Variants in PCDH15 observed in about 807,000 individuals in gnomAD.
PCDH15 encodes the protein protocadherin related 15.
In PCDH15, 129 loss-of-function variants were observed where a neutral mutation model predicts 178.5. That is an observed-to-expected ratio of 0.72 (90% CI 0.63 to 0.84). The LOEUF (loss-of-function observed/expected upper bound fraction) is 0.84, where lower values mean the gene tolerates loss of function less well. Among genes scored for constraint, PCDH15 ranks in the 40% least tolerant of loss-of-function variants. The probability of loss-of-function intolerance (pLI) is 0.00; values close to 1 mark genes in which losing one functional copy is unlikely to be tolerated. For synonymous variants in PCDH15, 800 were observed against 732.0 expected, an observed-to-expected ratio of 1.09 and a Z score of -1.50; for missense variants, 2,230 against 2,099.9, an observed-to-expected ratio of 1.06 and a Z score of -1.21.
In PCDH15 at chr10:53,823,265, GGAA is replaced by G. The variant is rs2076430011; in HGVS notation, c.4368-3038_4368-3036del. 1 of 1,613,644 alleles carries G rather than the reference GGAA, an allele frequency of 6.2e-7. No homozygotes were observed. Among genetic ancestry groups the G allele is most frequent in the African/African-American group, 1.3e-5 (1 of 74,868 alleles). ...CTGACTTGTGAGCCTCAATAGTATT[GGAA>G]GAAAAGGGCATCACAACTTGTTGAT... On this transcript the variant is annotated intron_variant, in intron 32 of 37. Coordinates refer to ENST00000644397, the MANE Select transcript of PCDH15 (RefSeq NM_001384140.1).
chr10:55,479,430 A>G (rs1388706871), intron 2 of PCDH15, among the ~76,000 whole-genome samples: 5 of 151,778 alleles, frequency 3.3e-5, no homozygotes, highest in African/African-American at 9.7e-5. Flanking sequence ...AGCATTTGAT[A>G]AAAATCAACA....
At chr10:55,121,786 A>C (rs543421637) in intron 2 of PCDH15, among the ~76,000 whole-genome samples, 2 of 152,164 alleles carry the variant, frequency 1.3e-5, no homozygotes, top group East Asian at 1.9e-4. Flanking sequence ...TAAGGACACA[A>C]CTTTCATCCC....
intron 1 of PCDH15, among the ~76,000 whole-genome samples, chr10:55,197,448 T>C (rs1261826221): frequency 1.3e-5 from 2 of 152,090 alleles, no homozygotes; most frequent in Non-Finnish European, 2.9e-5. Flanking sequence ...AATTCCACTA[T>C]AAGTTTCAGA....
At chr10:54,101,474 C>A (rs2094811306) in intron 15 of PCDH15, among the ~76,000 whole-genome samples, 1 of 152,140 alleles carries the variant, frequency 6.6e-6, no homozygotes, top group South Asian at 2.1e-4. Flanking sequence ...TAATACTTAG[C>A]ATGTATTATT....
At chr10:54,859,125 A>G (rs893445844) in intron 3 of PCDH15, among the ~76,000 whole-genome samples, 6 of 152,024 alleles carry the variant, frequency 3.9e-5, no homozygotes, top group East Asian at 1.9e-4. Flanking sequence ...ATATCACCAC[A>G]TTTGCTTTTT....
chr10:55,374,738 A>C (rs1447598616), intron 2 of PCDH15, among the ~76,000 whole-genome samples: 1 of 152,086 alleles, frequency 6.6e-6, no homozygotes, highest in African/African-American at 2.4e-5. Context: ...CTTTTTATTT[A>C]TCAACTTATT....
intron 2 of PCDH15, among the ~76,000 whole-genome samples, chr10:54,643,772 C>CTT (rs71010400): frequency 1.6e-4 from 19 of 116,844 alleles, no homozygotes; most frequent in East Asian, 1.6e-3. Flanking sequence ...CAGTTATTTT[C>CTT]TTTTTTTTTT....
chr10:54,452,308 A>G (rs898550842), intron 3 of PCDH15: 2 of 152,014 alleles, frequency 1.3e-5, no homozygotes, highest in Admixed American at 6.6e-5. Flanking sequence ...GGTTATATAT[A>G]TATAATTTCA....
intron 2 of PCDH15, among the ~76,000 whole-genome samples, chr10:54,564,401 G>C (rs538226819): frequency 2.0e-5 from 3 of 152,132 alleles, no homozygotes; most frequent in Non-Finnish European, 4.4e-5. Context: ...TATTAAAATT[G>C]TACCATGTTA....
chr10:54,127,666 C>A (rs950901356), intron 15 of PCDH15, among the ~76,000 whole-genome samples: 1 of 152,086 alleles, frequency 6.6e-6, no homozygotes, highest in Non-Finnish European at 1.5e-5. Flanking sequence ...CAAATCTTTT[C>A]CTTTTTCTTG....
chr10:55,027,040 T>TAAGAGAAAGA (rs1434099276), intron 2 of PCDH15, among the ~76,000 whole-genome samples: 1 of 151,848 alleles, frequency 6.6e-6, no homozygotes, highest in African/African-American at 2.4e-5. Flanking sequence ...AAAGATGGGA[T>TAAGAGAAAGA]AGGAGTATGT....
At chr10:54,280,453 C>A (rs909642859) in intron 8 of PCDH15, among the ~76,000 whole-genome samples, 2 of 151,648 alleles carry the variant, frequency 1.3e-5, no homozygotes, top group Non-Finnish European at 1.5e-5. Context: ...ATCTCATGAT[C>A]GCAAATCTTG....
chr10:55,542,549 G>A (rs1195839675), intron 2 of PCDH15, among the ~76,000 whole-genome samples: 1 of 150,022 alleles, frequency 6.7e-6, no homozygotes, highest in East Asian at 2.0e-4. Flanking sequence ...CAGGATATCA[G>A]TATATGTGTA....
intron 3 of PCDH15, among the ~76,000 whole-genome samples, chr10:54,821,055 C>T (rs918627101): frequency 8.6e-5 from 13 of 152,018 alleles, no homozygotes; most frequent in African/African-American, 2.4e-4. Context: ...CTTTGCACTT[C>T]TACTTACCCA....
intron 1 of PCDH15, among the ~76,000 whole-genome samples, chr10:54,675,588 G>A (rs1450285585): frequency 1.3e-5 from 2 of 148,360 alleles, no homozygotes; most frequent in Admixed American, 6.8e-5. Flanking sequence ...TTCATATTTC[G>A]ACCTAAGAAT....
chr10:53,892,115 C>T (rs2081609962), intron 26 of PCDH15, among the ~76,000 whole-genome samples: 1 of 149,258 alleles, frequency 6.7e-6, no homozygotes, highest in Non-Finnish European at 1.5e-5. Flanking sequence ...ACCTCAGACG[C>T]CTGGATTCAA....
Position 54,508,919 on chromosome 10 carries a change from G to T in PCDH15, c.157+18893C>A, listed in dbSNP as rs1007534473. ...GAGATATCATGGAAAGGGGACCCAT[G>T]TCAAAATGCAAAAGTCATTTACATT... On this transcript the variant is annotated intron_variant, in intron 3 of 37. Coordinates refer to ENST00000644397, the MANE Select transcript of PCDH15 (RefSeq NM_001384140.1). 2.0e-4 allele frequency among the ~76,000 whole-genome samples: 30 copies of T among 152,074 alleles called. 1 individual carries two copies. Among genetic ancestry groups the T allele is most frequent in the African/African-American group, 7.2e-4 (30 of 41,424 alleles).
At chr10:55,420,196 T>C (rs558764229) in intron 2 of PCDH15, among the ~76,000 whole-genome samples, 1 of 151,828 alleles carries the variant, frequency 6.6e-6, no homozygotes, top group Admixed American at 6.6e-5. Flanking sequence ...AAATTAAAAT[T>C]TGTGTGTCAA....
chr10:54,980,822 GTGGCATACCATAAGGCTCT>G (rs1839215411), intron 2 of PCDH15, among the ~76,000 whole-genome samples: 1 of 151,340 alleles, frequency 6.6e-6, no homozygotes, highest in South Asian at 2.1e-4. Context: ...AAATTGTACC[GTGGCATACCATAAGGCTCT>G]TGAGTTCATT....
Sources: gnomAD v4.1 joint callset for allele counts (sites outside exome capture counted in the v4.1 genomes callset) on GRCh38, gnomAD v4.1.1 for gene constraint, MANE v1.5 for transcripts, NCBI Gene and HGNC (gene_info 2026-07-23, HGNC 2026-07-21) for gene names.